Variants in PRRC2A observed in about 807,000 individuals in gnomAD.
PRRC2A encodes the protein proline rich coiled-coil 2A, also known as protein PRRC2A.
Under a neutral mutation model 224.6 loss-of-function variants are expected in PRRC2A, and 59 were observed. That is an observed-to-expected ratio of 0.26 (90% CI 0.21 to 0.33). The LOEUF is 0.33. Among genes scored for constraint, PRRC2A ranks in the 10% least tolerant of loss-of-function variants. The probability of loss-of-function intolerance (pLI) is 1.00; values close to 1 mark genes in which losing one functional copy is unlikely to be tolerated. For missense variants in PRRC2A, 3,095 were observed against 2,880.7 expected (o/e 1.07, Z -1.70); for synonymous variants, 1,194 against 1,109.5 (o/e 1.08, Z -1.51).
chr6:31,627,264 A>G lies in PRRC2A; in HGVS notation c.1290+66A>G, dbSNP rs1266422129. ...GAAATTGGTGTCAGCTGAGTAATTGAAGCGGTTGTGATATAGAGGAAGGGG... is the reference window on the plus strand; with the variant it reads ...GAAATTGGTGTCAGCTGAGTAATTGGAGCGGTTGTGATATAGAGGAAGGGG... On this transcript the variant is annotated intron_variant, in intron 11 of 30. Transcript: ENST00000376033. This position sits in a 1 kb window ranked among gnomAD's most constrained non-coding sequence, Gnocchi z 5.6. The G allele has an allele frequency of 8.2e-7, 1 of 1,218,480 alleles. No homozygotes were observed. Among genetic ancestry groups the G allele is most frequent in the Non-Finnish European group, 1.2e-6 (1 of 855,012 alleles). The allele number at this position is 1,218,480 out of a possible 1,614,324, so 75.5% of individuals were successfully genotyped here. A position where few individuals can be genotyped will look rare whatever the true frequency, so the allele number is the denominator to read the frequency against.
In PRRC2A at chr6:31,625,673, A is replaced by G. The variant is rs1775826100; in HGVS notation, c.759+62A>G. 1.0e-5 allele frequency: 16 copies of G among 1,603,904 alleles called. No individual in the cohort carries two copies. The highest frequency in any genetic ancestry group is 1.4e-5 in the Non-Finnish European group (16 of 1,171,180). ...GGAAGCTGGAGAGCTAGGAATCAGG[A>G]CTTAGTCTTTGACCTATGAGATAGA... On this transcript the variant is annotated intron_variant, in intron 7 of 30. Transcript: ENST00000376033. The surrounding 1 kb of genome is among the most constrained non-coding windows in gnomAD (Gnocchi z 4.1).
At chr6:31,633,347 G>A in intron 16 of PRRC2A, 32 bp from the exon 17 acceptor site, 1 of 1,593,652 alleles carries the variant, frequency 6.3e-7, no homozygotes, top group South Asian at 1.1e-5. Context: ...ACGATTTAGT[G>A]GATACTGGAG....
chr6:31,624,942 C>G, intron 5 of PRRC2A: 1 of 573,872 alleles, frequency 1.7e-6, no homozygotes, highest in East Asian at 2.9e-5. Context: ...GGACTACAGG[C>G]ACACGCCAAC....
At position 31,629,803 on chromosome 6, in the gene PRRC2A, C is replaced by T. The variant is rs1427772863; in HGVS notation, c.2212C>T (p.Arg738Cys). Residue 738 changes from arginine to cysteine, a missense_variant, in exon 14 of 31, where the codon CGT becomes TGT. Physicochemically the swap from Arg to Cys is radical, Grantham distance 180 (BLOSUM62 -3). Coordinates refer to ENST00000376033, the MANE Select transcript of PRRC2A (RefSeq NM_004638.4). ...TGTGGACCCCCGGCTCCTCCAGGGT[C>T]GTCCCCCTCTAGACTTCTACCCTCC... is the stretch of plus-strand genomic sequence containing the variant. Reference protein sequence around the residue: ...PYVDPRLLQGRPPLDFYPPGV... With the variant: ...PYVDPRLLQGCPPLDFYPPGV... 18 of 1,613,508 alleles carry T rather than the reference C, an allele frequency of 1.1e-5. No individual in the cohort carries two copies. The highest frequency in any genetic ancestry group is 2.2e-5 in the East Asian group (1 of 44,880).
chr6:31,624,493 C>A lies in PRRC2A; in HGVS notation c.434C>A (p.Ala145Asp), dbSNP rs758618469. 6.2e-7 allele frequency: 1 copy of A among 1,613,592 alleles called. No individual in the cohort carries two copies. The highest frequency in any genetic ancestry group is 1.3e-5 in the African/African-American group (1 of 74,910). Residue 145 changes from alanine (A) to aspartate (D), a missense_variant, in exon 5 of 31, where the codon GCC (alanine) becomes GAC (aspartate). Physicochemically the swap from Ala to Asp is moderately radical, Grantham distance 126. This residue lies in a region of PRRC2A where 287 missense variants were observed against 275.3 expected (regional missense o/e 1.04). Transcript: ENST00000376033. ...AGCGGGGTAAAGTCCTGGGCACAAG[C>A]CAGCGTCACCCATGGAGCACATGGA... ...VPSGVKSWAQ[A>D]SVTHGAHGDG...
At chr6:31,633,801 G>T in intron 17 of PRRC2A, 58 bp from the exon 18 acceptor site, 4 of 1,539,920 alleles carry the variant, frequency 2.6e-6, no homozygotes, top group Non-Finnish European at 3.5e-6. Flanking sequence ...GAGTAGAGAG[G>T]AAAAGTTAGG....
chr6:31,630,630 G>A lies in PRRC2A; in HGVS notation c.2294G>A (p.Ser765Asn). ...PRERSDSGGS[S>N]SEPFDRHAPA... ...GAGCGTTCAGACAGTGGGGGCTCAA[G>A]CTCAGAGCCATTTGACCGTCATGCA... The change falls in exon 15 of 31, where the codon AGC becomes AAC. Residue 765 changes from serine (S) to asparagine (N), a missense_variant. Coordinates refer to ENST00000376033, the MANE Select transcript of PRRC2A (RefSeq NM_004638.4). The A allele has an allele frequency of 6.2e-7, 1 of 1,614,128 alleles. No individual in the cohort carries two copies. The highest frequency in any genetic ancestry group is 8.5e-7 in the Non-Finnish European group (1 of 1,180,018).
Position 31,625,626 on chromosome 6 carries a change from C to T in PRRC2A, c.759+15C>T. 1.3e-6 allele frequency: 2 copies of T among 1,594,448 alleles called. No homozygotes were observed. Among genetic ancestry groups the T allele is most frequent in the Non-Finnish European group, 1.7e-6 (2 of 1,168,994 alleles). The stretch of plus-strand genomic sequence containing the variant: ...TGCCGCCTTTCGTGAGTCTTGGTGT[C>T]TTGTCTTGGAACGATTACACTGGAA... On this transcript the variant is annotated intron_variant, in intron 7 of 30. Transcript: ENST00000376033. This position sits in a 1 kb window ranked among gnomAD's most constrained non-coding sequence, Gnocchi z 4.1.
intron 15 of PRRC2A, 151 bp from the exon 16 acceptor site, chr6:31,630,988 C>A: frequency 1.7e-6 from 2 of 1,194,150 alleles, no homozygotes; most frequent in South Asian, 1.5e-5. Flanking sequence ...CCCAGCAGTT[C>A]GAGACTAGCC....
In PRRC2A at chr6:31,636,317, G is replaced by C. The variant is rs779598377; in HGVS notation, c.5733G>C (p.Glu1911Asp). Residue 1911 changes from glutamate (E) to aspartate (D), a missense_variant, in exon 26 of 31, where the codon GAG (glutamate) becomes GAC (aspartate). Physicochemically the swap from Glu to Asp is conservative, Grantham distance 45. Coordinates refer to ENST00000376033, the MANE Select transcript of PRRC2A (RefSeq NM_004638.4). This position sits in a 1 kb window ranked among gnomAD's most constrained non-coding sequence, Gnocchi z 4.3. The part of the protein sequence containing the change: ...FLDFSTMQAT[E>D]LGKLPAGGVL... The stretch of plus-strand genomic sequence containing the variant: ...ATTTCTCCACAATGCAAGCTACAGA[G>C]CTGGGGAAGTTGCCGGCTGGAGGAG... 1 of 1,613,042 alleles carries C rather than the reference G, an allele frequency of 6.2e-7. No individual in the cohort carries two copies. Among genetic ancestry groups the C allele is most frequent in the South Asian group, 1.1e-5 (1 of 91,080 alleles).
At position 31,634,361 on chromosome 6, in the gene PRRC2A, T is replaced by A. The variant is rs1777061547; in HGVS notation, c.4845T>A (p.His1615Gln). Residue 1615 changes from histidine to glutamine, a missense_variant, in exon 19 of 31, where the codon CAT becomes CAA. Physicochemically the swap from His to Gln is conservative, Grantham distance 24 (BLOSUM62 0). Transcript: ENST00000376033. ...CCCCTCACATCTGGAACCGTTTACATACTGGTGAGTAAAGCTGAGTGAAAG... is the reference window on the plus strand; with the variant it reads ...CCCCTCACATCTGGAACCGTTTACAAACTGGTGAGTAAAGCTGAGTGAAAG... Reference protein sequence around the residue: ...ALTPHIWNRLHTATSRKSYRP... With the variant: ...ALTPHIWNRLQTATSRKSYRP... The A allele has an allele frequency of 6.2e-7, 1 of 1,612,856 alleles. No individual in the cohort carries two copies. Among genetic ancestry groups the A allele is most frequent in the Non-Finnish European group, 8.5e-7 (1 of 1,179,922 alleles).
At chr6:31,630,513 C>G in intron 14 of PRRC2A, 78 bp from the exon 15 acceptor site, 1 of 1,478,274 alleles carries the variant, frequency 6.8e-7, no homozygotes, top group Non-Finnish European at 9.3e-7. Flanking sequence ...CTGACTTGAC[C>G]GCGAGGGGAG....
rs751251900 is a variant in PRRC2A, at chr6:31,632,348, CAGCAATGGAGGT to C, written c.3683_3694del (p.Gly1228_Asn1231del). On this transcript the variant is annotated inframe_deletion, in exon 16 of 31. Transcript: ENST00000376033. ...CTCTGTCCCCTGTGGCGCGCGGAGG[CAGCAATGGAGGT>C]AGCAATGTGGGCATGGAAGATGGGG... The C allele has an allele frequency of 1.2e-5, 20 of 1,613,220 alleles. No homozygotes were observed. Among genetic ancestry groups the C allele is most frequent in the Middle Eastern group, 1.6e-4 (1 of 6,082 alleles).
chr6:31,634,721 G>A (rs1056807146), intron 20 of PRRC2A, 32 bp from the exon 21 acceptor site: 7 of 1,604,444 alleles, frequency 4.4e-6, no homozygotes, highest in African/African-American at 1.3e-5. Flanking sequence ...TTTCTACCCT[G>A]ACTTAACTAG....
chr6:31,635,736 C>T lies in PRRC2A; in HGVS notation c.5528C>T (p.Pro1843Leu), dbSNP rs201648933. The part of the protein sequence containing the change: ...YPEVFYGSAG[P>L]SSSQISGGAM... The stretch of plus-strand genomic sequence containing the variant: ...GAGGTTTTCTATGGCAGTGCTGGGC[C>T]TTCCAGTTCTCAGGTAGGCCCCGCT... Residue 1843 changes from proline (P) to leucine (L), a missense_variant, in exon 24 of 31, where the codon CCT becomes CTT. This residue lies in a region of PRRC2A where 662 missense variants were observed against 609.5 expected (regional missense o/e 1.09). Coordinates refer to ENST00000376033, the MANE Select transcript of PRRC2A (RefSeq NM_004638.4). 15 of 1,586,344 alleles carry T rather than the reference C, an allele frequency of 9.5e-6. No homozygotes were observed. The highest frequency in any genetic ancestry group is 1.2e-5 in the Non-Finnish European group (14 of 1,167,402).
At position 31,634,240 on chromosome 6, in the gene PRRC2A, C is replaced by T; in HGVS notation, c.4724C>T (p.Ser1575Phe). Residue 1575 changes from serine (S) to phenylalanine (F), a missense_variant, in exon 19 of 31, where the codon TCT (serine) becomes TTT (phenylalanine). Ser to Phe is a radical substitution (Grantham distance 155). Coordinates refer to ENST00000376033, the MANE Select transcript of PRRC2A (RefSeq NM_004638.4). Reference sequence around the variant, plus strand: ...TCTGGCCCTTCTCATCTGTAGGAATCTTTGCCACCTCCTCATAGCTCTGGA... The same window carrying T: ...TCTGGCCCTTCTCATCTGTAGGAATTTTTGCCACCTCCTCATAGCTCTGGA... ...PRKPELLQEE[S>F]LPPPHSSGFL... is the part of the protein sequence containing the mutation. 6.3e-7 allele frequency: 1 copy of T among 1,582,704 alleles called. No homozygotes were observed. The highest frequency in any genetic ancestry group is 8.5e-7 in the Non-Finnish European group (1 of 1,171,240).
Position 31,632,600 on chromosome 6 carries a change from GTCAAACCAGAAC to G in PRRC2A, c.3931_3942del (p.Asn1311_Ser1314del). ...GGGCAGCTGCCAAGTCTCCTGATCT[GTCAAACCAGAAC>G]TCAGACCAAGCCAATGAGGAATGGG... On this transcript the variant is annotated inframe_deletion, in exon 16 of 31. Transcript: ENST00000376033. 1 of 1,613,080 alleles carries G rather than the reference GTCAAACCAGAAC, an allele frequency of 6.2e-7. No individual in the cohort carries two copies. Among genetic ancestry groups the G allele is most frequent in the Non-Finnish European group, 8.5e-7 (1 of 1,180,034 alleles).
At position 31,636,812 on chromosome 6, in the gene PRRC2A, C is replaced by T; in HGVS notation, c.6014C>T (p.Pro2005Leu). The change falls in exon 28 of 31, where the codon CCT becomes CTT. Residue 2005 changes from proline to leucine, a missense_variant. Pro to Leu is a moderately conservative substitution (Grantham distance 98). This residue lies in a region of PRRC2A where 662 missense variants were observed against 609.5 expected (regional missense o/e 1.09). Transcript: ENST00000376033. The surrounding 1 kb of genome is among the most constrained non-coding windows in gnomAD (Gnocchi z 4.3). The stretch of plus-strand genomic sequence containing the variant: ...CCGCCAGCACCACCTCCTGCCCCAC[C>T]TCCCCTTTCTCTGTTACCTGTGGGC... The part of the protein sequence containing the change: ...SLPPAPPPAP[P>L]PLSLLPVGPA... 2 of 1,610,774 alleles carry T rather than the reference C, an allele frequency of 1.2e-6. No homozygotes were observed. The highest frequency in any genetic ancestry group is 1.7e-6 in the Non-Finnish European group (2 of 1,179,976).
Position 31,636,857 on chromosome 6 carries a change from G to T in PRRC2A, c.6059G>T (p.Ser2020Ile). 1.2e-6 allele frequency: 2 copies of T among 1,612,736 alleles called. No homozygotes were observed. Among genetic ancestry groups the T allele is most frequent in the Non-Finnish European group, 1.7e-6 (2 of 1,180,006 alleles). ...LPVGPALQPP[S>I]LAVRPPPAPA... ...GTGGGCCCTGCTCTGCAGCCCCCCA[G>T]CCTGGCTGTGCGGCCCCCACCTGCT... Residue 2020 changes from serine (S) to isoleucine (I), a missense_variant, in exon 28 of 31, where the codon AGC (serine) becomes ATC (isoleucine). Physicochemically the swap from Ser to Ile is moderately radical, Grantham distance 142. Around this residue, in one of 8 missense-constraint regions of PRRC2A, gnomAD observed 662 missense variants for 609.5 expected, o/e 1.09. Coordinates refer to ENST00000376033, the MANE Select transcript of PRRC2A (RefSeq NM_004638.4). This position sits in a 1 kb window ranked among gnomAD's most constrained non-coding sequence, Gnocchi z 4.3.
Sources: allele counts gnomAD v4.1 joint callset, GRCh38; gene constraint gnomAD v4.1.1; regional missense constraint gnomAD v4.1.1; non-coding constraint Gnocchi (gnomAD v3.1); transcripts MANE v1.5; gene names NCBI Gene and HGNC (gene_info 2026-07-23, HGNC 2026-07-21).